OSMR: variants seen among roughly 807,000 people sequenced by gnomAD.
The protein encoded by OSMR is oncostatin-M-specific receptor subunit beta.
OSMR carries 81 observed loss-of-function variants against 99.9 expected under a neutral mutation model. The ratio of observed to expected loss-of-function variants is 0.81; its 90% CI spans 0.68 to 0.97. The LOEUF is 0.97. Ranked by LOEUF, OSMR falls within the 50% of genes least tolerant of loss-of-function variation. The pLI is 0.00. For synonymous variants in OSMR, 406 were observed against 410.4 expected (o/e 0.99, Z 0.13); for missense variants, 1,099 against 1,153.4 (o/e 0.95, Z 0.68).
chr5:38,918,450 T>A (rs1746046139), intron 10 of OSMR, among the ~76,000 whole-genome samples: 1 of 152,144 alleles, frequency 6.6e-6, no homozygotes, highest in African/African-American at 2.4e-5. Flanking sequence ...GGAGGTGGAA[T>A]GAGGCCAGTA....
downstream of OSMR, among the ~76,000 whole-genome samples, chr5:38,936,740 A>AACTC (rs1249005216): frequency 6.6e-6 from 1 of 152,220 alleles, no homozygotes; most frequent in African/African-American, 2.4e-5. Context: ...GAACTTTTAA[A>AACTC]ACTCTGGAAG....
intron 1 of OSMR, among the ~76,000 whole-genome samples, chr5:38,853,116 A>G (rs1740557809): frequency 1.3e-5 from 2 of 152,038 alleles, no homozygotes; most frequent in Admixed American, 1.3e-4. Flanking sequence ...CTCCCCCTAC[A>G]TCCTTATCTT....
chr5:38,878,937 T>G (rs1743045687), intron 3 of OSMR, among the ~76,000 whole-genome samples: 2 of 152,226 alleles, frequency 1.3e-5, no homozygotes, highest in Admixed American at 1.3e-4. Flanking sequence ...TCCAGAGTTT[T>G]AGCCTGTGCT....
chr5:38,910,394 C>T (rs1048374113), intron 9 of OSMR, among the ~76,000 whole-genome samples: 11 of 152,090 alleles, frequency 7.2e-5, no homozygotes, highest in African/African-American at 2.4e-4. Context: ...CTCTCCACCC[C>T]AAAACAAATA....
chr5:38,880,882 G>T (rs752618543), intron 3 of OSMR, among the ~76,000 whole-genome samples: 1 of 152,230 alleles, frequency 6.6e-6, no homozygotes, highest in East Asian at 1.9e-4. Flanking sequence ...GCTAAAGGCT[G>T]TGTCAAAAGC....
intron 1 of OSMR, among the ~76,000 whole-genome samples, chr5:38,848,782 TTG>T (rs933927798): frequency 6.6e-6 from 1 of 152,182 alleles, no homozygotes; most frequent in African/African-American, 2.4e-5. Flanking sequence ...GTTATTCTTT[TTG>T]TGTGTGTGTG....
Position 38,924,898 on chromosome 5 carries a change from A to T in OSMR, c.2044+303A>T, listed in dbSNP as rs183990388. Among the ~76,000 whole-genome samples the T allele has an allele frequency of 2.2e-3, 336 of 149,864 alleles. 2 individuals carry two copies. Among genetic ancestry groups the T allele is most frequent in the Middle Eastern group, 0.01 (3 of 290 alleles). ...TCCTCTTTTTTTTTTCACTTTATTG[A>T]GCATTGTTCCAATTTATTTTTAAGC... On this transcript the variant is annotated intron_variant, in intron 14 of 17. Coordinates refer to ENST00000274276, the MANE Select transcript of OSMR (RefSeq NM_003999.3).
intron 9 of OSMR, among the ~76,000 whole-genome samples, chr5:38,909,371 C>G (rs1253907342): frequency 6.6e-6 from 1 of 152,144 alleles, no homozygotes; most frequent in Admixed American, 6.5e-5. Context: ...GCAGAGAACT[C>G]CTGTGAGGTA....
In OSMR at chr5:38,904,395, G is replaced by A; in HGVS notation, c.1177G>A (p.Glu393Lys). Residue 393 changes from glutamate (E) to lysine (K), a missense_variant, in exon 9 of 18, where the codon GAA becomes AAA. By Grantham distance (56) the Glu-to-Lys change is moderately conservative. Transcript: ENST00000274276. ...GGTGAACGGTGAGTACTTCTTAAGT[G>A]AACTGGAACCTGCCACAGAGTACAT... Reference protein sequence around the residue: ...IKVNGEYFLSELEPATEYMAR... With the variant: ...IKVNGEYFLSKLEPATEYMAR... The A allele has an allele frequency of 1.9e-6, 3 of 1,614,044 alleles. No homozygotes were observed. Among genetic ancestry groups the A allele is most frequent in the Middle Eastern group, 1.7e-4 (1 of 6,060 alleles).
chr5:38,941,493 T>C (rs1427115932), intron 1 of OSMR: 4 of 231,448 alleles, frequency 1.7e-5, no homozygotes, highest in Admixed American at 5.6e-5. Flanking sequence ...AGATGGAAAG[T>C]TGATGAAAGT....
chr5:38,942,286 T>A, intron 1 of OSMR: 1 of 1,476,186 alleles, frequency 6.8e-7, no homozygotes, highest in Non-Finnish European at 9.4e-7. Context: ...TGTATCTATA[T>A]CCATCATAAA....
intron 9 of OSMR, among the ~76,000 whole-genome samples, chr5:38,909,166 C>T (rs940299743): frequency 1.3e-5 from 2 of 152,014 alleles, no homozygotes; most frequent in African/African-American, 4.8e-5. Flanking sequence ...AAGACCAGTT[C>T]TTCAATATAA....
rs772672025 is a variant in OSMR, at chr5:38,849,912, C to T, written c.-14+3525C>T. On this transcript the variant is annotated intron_variant, in intron 1 of 17. Coordinates refer to ENST00000274276, the MANE Select transcript of OSMR (RefSeq NM_003999.3). ...AGGATTCAATTAATAAATGCATGTA[C>T]GTCACTTAGCAAAGCACCTTGTAGA... 6.6e-5 allele frequency among the ~76,000 whole-genome samples: 10 copies of T among 152,230 alleles called. No homozygotes were observed. In the East Asian group the frequency reaches 9.6e-4, roughly 15 times the overall value.
chr5:38,883,574 A>T, intron 4 of OSMR: 1 of 345,812 alleles, frequency 2.9e-6, no homozygotes, highest in Non-Finnish European at 4.1e-6. Context: ...CAATTATCAG[A>T]GTGGTAATAG....
chr5:38,872,048 AG>A (rs1377150664), intron 2 of OSMR, among the ~76,000 whole-genome samples: 3 of 152,138 alleles, frequency 2.0e-5, no homozygotes, highest in Non-Finnish European at 4.4e-5. Context: ...CAGGAGCCCT[AG>A]GTTCTGGTCT....
chr5:38,940,263 C>T (rs200039433), downstream of OSMR: 7 of 212,086 alleles, frequency 3.3e-5, no homozygotes, highest in Non-Finnish European at 6.5e-5. Flanking sequence ...GTGTGTAAGA[C>T]AAAAAAAAAA....
intron 15 of OSMR, among the ~76,000 whole-genome samples, chr5:38,927,493 T>G (rs2112680329): frequency 6.6e-6 from 1 of 152,352 alleles, no homozygotes; most frequent in Non-Finnish European, 1.5e-5. Context: ...TGCCAAGGCT[T>G]GGGGCTTGCA....
chr5:38,911,118 T>C (rs1210891317), intron 9 of OSMR, among the ~76,000 whole-genome samples: 1 of 151,842 alleles, frequency 6.6e-6, no homozygotes, highest in East Asian at 1.9e-4. Context: ...GAAATTGAGA[T>C]GCAAAAAACT....
At position 38,893,886 on chromosome 5, in the gene OSMR, A is replaced by C. The variant is rs148728165; in HGVS notation, c.991+7696A>C. ...AGGGCATATAGGCACCAGATTGTTT[A>C]AGGCCAGCACTAAAGAAAAAATCTT... On this transcript the variant is annotated intron_variant, in intron 7 of 17. Coordinates refer to ENST00000274276, the MANE Select transcript of OSMR (RefSeq NM_003999.3). Among the ~76,000 whole-genome samples, 3 of 152,342 alleles carry C rather than the reference A, an allele frequency of 2.0e-5. No individual in the cohort carries two copies. In the East Asian group the frequency reaches 5.8e-4, roughly 29 times the overall value.
Sources: gnomAD v4.1 joint callset for allele counts (sites outside exome capture counted in the v4.1 genomes callset) on GRCh38, gnomAD v4.1.1 for gene constraint, MANE v1.5 for transcripts, NCBI Gene and HGNC (gene_info 2026-07-23, HGNC 2026-07-21) for gene names.